POU6F2: variants seen among roughly 807,000 people sequenced by gnomAD.
POU6F2 encodes POU class 6 homeobox 2, also known as POU domain, class 6, transcription factor 2.
A neutral mutation model predicts 71.3 loss-of-function variants in POU6F2; 31 were observed. The ratio of observed to expected loss-of-function variants is 0.43; its 90% CI spans 0.33 to 0.59. The LOEUF (loss-of-function observed/expected upper bound fraction) is 0.59, where lower values mean the gene tolerates loss of function less well. Ranked by LOEUF, POU6F2 falls within the 20% of genes least tolerant of loss-of-function variation. The pLI, the probability that POU6F2 is intolerant of heterozygous loss-of-function variation, is 0.04. For missense variants in POU6F2, 783 were observed against 856.8 expected (o/e 0.91, Z 1.07); for synonymous variants, 347 against 355.7 (o/e 0.98, Z 0.27).
intron 5 of POU6F2, among the ~76,000 whole-genome samples, chr7:39,381,404 A>AT (rs1786826402): frequency 6.6e-6 from 1 of 151,812 alleles, no homozygotes; most frequent in Non-Finnish European, 1.5e-5. Flanking sequence ...CACCCAGCTA[A>AT]TTTTTTGTAT....
intron 2 of POU6F2, among the ~76,000 whole-genome samples, chr7:39,092,475 T>C (rs1311987810): frequency 1.3e-5 from 2 of 152,222 alleles, no homozygotes; most frequent in Non-Finnish European, 2.9e-5. Context: ...CATAATTTGT[T>C]TTAATTTTTT....
At chr7:39,320,269 TC>T (rs1342452305) in intron 4 of POU6F2, among the ~76,000 whole-genome samples, 1 of 152,034 alleles carries the variant, frequency 6.6e-6, no homozygotes, top group Admixed American at 6.6e-5. Flanking sequence ...GACCTACCTC[TC>T]CCCATCAATG....
chr7:39,051,487 A>G (rs945996660), intron 1 of POU6F2, among the ~76,000 whole-genome samples: 6 of 152,154 alleles, frequency 3.9e-5, no homozygotes, highest in Non-Finnish European at 5.9e-5. Context: ...AAACATCAGG[A>G]CACTTGAGGA....
chr7:39,348,475 C>A (rs1481252736), intron 5 of POU6F2, among the ~76,000 whole-genome samples: 2 of 152,142 alleles, frequency 1.3e-5, no homozygotes, highest in East Asian at 3.9e-4. Context: ...TTTTTCTCAT[C>A]ACAACCCAGA....
chr7:39,365,661 C>G (rs1290282063), intron 5 of POU6F2, among the ~76,000 whole-genome samples: 1 of 152,124 alleles, frequency 6.6e-6, no homozygotes, highest in African/African-American at 2.4e-5. Flanking sequence ...TATCCAGAAT[C>G]TACGATGCAC....
At chr7:39,211,342 C>G (rs1176544294) in intron 4 of POU6F2, among the ~76,000 whole-genome samples, 1 of 152,152 alleles carries the variant, frequency 6.6e-6, no homozygotes, top group African/African-American at 2.4e-5. Context: ...ACTCACCACC[C>G]CAGGCCTCCA....
At chr7:39,062,974 C>T (rs985048818) in intron 1 of POU6F2, among the ~76,000 whole-genome samples, 2 of 151,842 alleles carry the variant, frequency 1.3e-5, no homozygotes, top group Admixed American at 6.6e-5. Context: ...ACAGACATGG[C>T]GATCAGCTTC....
At chr7:39,015,517 AAT>A (rs1423760544) in intron 1 of POU6F2, among the ~76,000 whole-genome samples, 1 of 20,606 alleles carries the variant, frequency 4.9e-5, no homozygotes, top group Non-Finnish European at 1.3e-4. Context: ...TTATATATAT[AAT>A]ATATCTATGT....
chr7:39,320,665 G>A (rs12701729), intron 4 of POU6F2, among the ~76,000 whole-genome samples: 48,687 of 152,008 alleles, frequency 0.32, 7,967 homozygotes, highest in Middle Eastern at 0.38. Flanking sequence ...TGAAGCTGCA[G>A]ATAGTACTGA....
chr7:39,140,803 GA>G, intron 2 of POU6F2, among the ~76,000 whole-genome samples: 1 of 152,280 alleles, frequency 6.6e-6, no homozygotes, highest in Admixed American at 6.5e-5. Flanking sequence ...GAAAGATCTC[GA>G]AAGATCATTT....
intron 4 of POU6F2, among the ~76,000 whole-genome samples, chr7:39,222,932 G>A (rs556799838): frequency 1.1e-4 from 16 of 152,108 alleles, no homozygotes; most frequent in African/African-American, 2.7e-4. Flanking sequence ...TAGATCATAC[G>A]GTAATTCTAC....
intron 1 of POU6F2, among the ~76,000 whole-genome samples, chr7:39,039,367 T>G (rs1790131372): frequency 6.6e-6 from 1 of 152,010 alleles, no homozygotes; most frequent in South Asian, 2.1e-4. Flanking sequence ...CAATTTCCAT[T>G]GCAATCTGAC....
intron 1 of POU6F2, among the ~76,000 whole-genome samples, chr7:39,008,549 G>A: frequency 2.0e-5 from 3 of 149,676 alleles, no homozygotes; most frequent in Non-Finnish European, 1.5e-5. Context: ...TGTCAATTTT[G>A]GCTTTTGTTG....
intron 2 of POU6F2, among the ~76,000 whole-genome samples, chr7:39,112,786 G>A (rs888923380): frequency 3.9e-5 from 6 of 152,106 alleles, no homozygotes; most frequent in African/African-American, 1.4e-4. Flanking sequence ...TATAATAACT[G>A]TGTGCTGAAA....
intron 5 of POU6F2, among the ~76,000 whole-genome samples, chr7:39,398,701 G>A (rs1787232462): frequency 6.6e-6 from 1 of 152,214 alleles, no homozygotes; most frequent in Admixed American, 6.5e-5. Context: ...CTGCAAAAAG[G>A]CCAGTCGGAC....
intron 1 of POU6F2, chr7:38,984,800 C>T (rs183630347): frequency 6.6e-6 from 1 of 152,208 alleles, no homozygotes; most frequent in Admixed American, 6.5e-5. Flanking sequence ...TAATTTAAAA[C>T]TATTTTTAGA....
In POU6F2 at chr7:39,305,116, T is replaced by A. The variant is rs908705180; in HGVS notation, c.599-34526T>A. On this transcript the variant is annotated intron_variant, in intron 4 of 9. Coordinates refer to ENST00000518318, the MANE Select transcript of POU6F2 (RefSeq NM_001370959.1). ...AAAAGCCAATATGTAACTTACAGGC[T>A]AAAATCATCATCATTACCATTGTTG... Among the ~76,000 whole-genome samples, 8 of 152,370 alleles carry A rather than the reference T, an allele frequency of 5.3e-5. 1 individual carries two copies. In the South Asian group the frequency reaches 8.3e-4, roughly 16 times the overall value.
At chr7:39,339,082 T>TTTA (rs1554344615) in intron 4 of POU6F2, among the ~76,000 whole-genome samples, 65 of 144,038 alleles carry the variant, frequency 4.5e-4, no homozygotes, top group African/African-American at 1.6e-3. Flanking sequence ...TTTGAATTTT[T>TTTA]AAAAAAAAAA....
At chr7:39,268,334 GT>G (rs1254038892) in intron 4 of POU6F2, among the ~76,000 whole-genome samples, 1 of 152,154 alleles carries the variant, frequency 6.6e-6, no homozygotes, top group Non-Finnish European at 1.5e-5. Context: ...TCTGCCTGAT[GT>G]TATCTTTATG....
Sources: allele counts gnomAD v4.1 joint callset (sites outside exome capture counted in the v4.1 genomes callset), GRCh38; gene constraint gnomAD v4.1.1; transcripts MANE v1.5; gene names NCBI Gene and HGNC (gene_info 2026-07-23, HGNC 2026-07-21).